IL1RAPL1: variants seen among roughly 807,000 people sequenced by gnomAD.
IL1RAPL1 encodes the protein interleukin 1 receptor accessory protein like 1, also known as interleukin-1 receptor accessory protein-like 1.
IL1RAPL1 carries 3 observed loss-of-function variants against 48.4 expected under a neutral mutation model. The observed-to-expected ratio is 0.06, with a 90% CI of 0.03 to 0.16. The LOEUF (loss-of-function observed/expected upper bound fraction) is 0.16. Ranked by LOEUF, IL1RAPL1 falls within the 10% of genes least tolerant of loss-of-function variation. IL1RAPL1 has a pLI of 1.00. For missense variants in IL1RAPL1, 349 were observed against 530.6 expected (o/e 0.66, Z 3.36); for synonymous variants, 185 against 187.7 (o/e 0.99, Z 0.12).
chrX:29,603,278 A>AG (rs1301795814), intron 5 of IL1RAPL1, among the ~76,000 whole-genome samples: 1 of 110,668 alleles, frequency 9.0e-6, no homozygotes, highest in Non-Finnish European at 1.9e-5. Flanking sequence ...AAAAAAAAAA[A>AG]AAAAACTGAA....
chrX:28,753,059 C>A (rs55939552), intron 1 of IL1RAPL1, among the ~76,000 whole-genome samples: 1 of 110,809 alleles, frequency 9.0e-6, no homozygotes, highest in South Asian at 3.8e-4. Context: ...ACGAAGTCCC[C>A]GAGGCTGCCT....
intron 2 of IL1RAPL1, among the ~76,000 whole-genome samples, chrX:28,792,172 T>C (rs924073006): frequency 8.9e-6 from 1 of 111,892 alleles, no homozygotes; most frequent in African/African-American, 3.3e-5. Flanking sequence ...CAAAACCCAA[T>C]GCTTTTCATG....
intron 2 of IL1RAPL1, among the ~76,000 whole-genome samples, chrX:28,959,126 C>G (rs1408131760): frequency 4.5e-5 from 5 of 111,296 alleles, no homozygotes; most frequent in African/African-American, 1.3e-4. Flanking sequence ...AAGAAAATTA[C>G]TTATAATCTT....
At chrX:29,503,351 G>T (rs1935295214) in intron 5 of IL1RAPL1, among the ~76,000 whole-genome samples, 2 of 110,963 alleles carry the variant, frequency 1.8e-5, no homozygotes, top group Non-Finnish European at 3.8e-5. Context: ...AATTTCGTTT[G>T]TTTCTGCTTA....
intron 5 of IL1RAPL1, among the ~76,000 whole-genome samples, chrX:29,422,653 A>G (rs926791859): frequency 7.1e-5 from 8 of 112,028 alleles, no homozygotes; most frequent in Non-Finnish European, 1.5e-4. Context: ...TGCCAAGGGC[A>G]AGTTGACTTT....
intron 6 of IL1RAPL1, among the ~76,000 whole-genome samples, chrX:29,834,453 C>T (rs1268904797): frequency 1.8e-5 from 2 of 108,150 alleles, no homozygotes; most frequent in African/African-American, 3.4e-5. Flanking sequence ...CACAACCTCT[C>T]AACGCTACCC....
At chrX:29,482,732 T>C (rs926744185) in intron 5 of IL1RAPL1, among the ~76,000 whole-genome samples, 4 of 112,123 alleles carry the variant, frequency 3.6e-5, no homozygotes, top group Non-Finnish European at 7.5e-5. Flanking sequence ...CAACTTTTAT[T>C]ACGGGACTTT....
chrX:28,863,913 G>A (rs1922015187), intron 2 of IL1RAPL1, among the ~76,000 whole-genome samples: 1 of 111,543 alleles, frequency 9.0e-6, no homozygotes, highest in South Asian at 3.7e-4. Flanking sequence ...TTGGTTTACT[G>A]TTTATACTCC....
At chrX:29,285,524 CAAAAAAAAAAAA>C (rs778913919) in intron 3 of IL1RAPL1, among the ~76,000 whole-genome samples, 9 of 11,582 alleles carry the variant, frequency 7.8e-4, no homozygotes, top group East Asian at 4.4e-3. Flanking sequence ...AACTCCGTCT[CAAAAAAAAAAAA>C]AAAAAAAAAA....
chrX:29,348,558 G>A (rs994903170), intron 3 of IL1RAPL1, among the ~76,000 whole-genome samples: 6 of 111,884 alleles, frequency 5.4e-5, no homozygotes, highest in African/African-American at 1.9e-4. Context: ...TTGTGTTAAA[G>A]CAGAATCCAC....
At chrX:29,532,304 A>G (rs1921070007) in intron 5 of IL1RAPL1, among the ~76,000 whole-genome samples, 1 of 111,886 alleles carries the variant, frequency 8.9e-6, no homozygotes. Flanking sequence ...GGTTGGGAGG[A>G]AATGAGAAGG....
chrX:28,702,453 T>C (rs1935311483), intron 1 of IL1RAPL1, among the ~76,000 whole-genome samples: 1 of 111,890 alleles, frequency 8.9e-6, no homozygotes, highest in South Asian at 3.6e-4. Context: ...AATTGGCACT[T>C]TCAACTTTAA....
At chrX:29,770,726 C>G (rs1408242992) in intron 6 of IL1RAPL1, among the ~76,000 whole-genome samples, 1 of 112,337 alleles carries the variant, frequency 8.9e-6, no homozygotes, top group African/African-American at 3.2e-5. Context: ...CATTATCCTA[C>G]TAGCAACTTT....
intron 1 of IL1RAPL1, among the ~76,000 whole-genome samples, chrX:28,659,693 A>T (rs1934795042): frequency 3.6e-5 from 4 of 111,592 alleles, no homozygotes; most frequent in South Asian, 7.5e-4. Flanking sequence ...TGTAAAGATA[A>T]TTTAAAGCAT....
chrX:29,617,058 A>G (rs759555153), intron 5 of IL1RAPL1, among the ~76,000 whole-genome samples: 144 of 111,287 alleles, frequency 1.3e-3, no homozygotes, highest in African/African-American at 4.5e-3. Flanking sequence ...ATGATGTGAG[A>G]GAACTGCCAC....
chrX:29,017,654 A>C (rs1926270893), intron 2 of IL1RAPL1, among the ~76,000 whole-genome samples: 2 of 111,574 alleles, frequency 1.8e-5, no homozygotes, highest in South Asian at 7.5e-4. Context: ...AGTGTAACTA[A>C]AAAGCTAAAT....
chrX:29,217,246 A>G (rs1196348170), intron 2 of IL1RAPL1, among the ~76,000 whole-genome samples: 1 of 112,279 alleles, frequency 8.9e-6, no homozygotes. Context: ...TCTAGACCAA[A>G]TCAATTGACT....
intron 3 of IL1RAPL1, among the ~76,000 whole-genome samples, chrX:29,349,317 A>G (rs994852484): frequency 8.9e-6 from 1 of 112,142 alleles, no homozygotes; most frequent in Non-Finnish European, 1.9e-5. Context: ...AAACAAGGTA[A>G]GTGAGATCAT....
chrX:29,832,794 C>A (rs752431997), intron 6 of IL1RAPL1, among the ~76,000 whole-genome samples: 3 of 105,546 alleles, frequency 2.8e-5, no homozygotes, highest in Admixed American at 1.0e-4. Context: ...CCTCCCAGAT[C>A]TATTCATGGT....
Sources: allele counts gnomAD v4.1 joint callset (sites outside exome capture counted in the v4.1 genomes callset), GRCh38; gene constraint gnomAD v4.1.1; transcripts MANE v1.5; gene names NCBI Gene and HGNC (gene_info 2026-07-23, HGNC 2026-07-21).